Variants in KCNQ1OT1 observed in about 807,000 individuals in gnomAD.
KCNQ1OT1 encodes the protein KCNQ1 opposite strand/antisense transcript 1, also known as KCNQ1 antisense RNA 2 (non-protein coding).
At position 2,623,222 on chromosome 11, in the gene KCNQ1OT1, A is replaced by G. The variant is rs923792037; in HGVS notation, n.76773T>C. On this transcript the variant is annotated non_coding_transcript_exon_variant, in exon 1 of 1. Transcript: ENST00000597346. This position sits in a 1 kb window ranked among gnomAD's most constrained non-coding sequence, Gnocchi z 5.2. ...TTTAAGTTTCTGAGGCCTGCCAGCCATGCTTACTGTACAGCCTACAAAACT... is the reference window on the plus strand; with the variant it reads ...TTTAAGTTTCTGAGGCCTGCCAGCCGTGCTTACTGTACAGCCTACAAAACT... 2 of 398,626 alleles carry G rather than the reference A, an allele frequency of 5.0e-6. No individual in the cohort carries two copies. The highest frequency in any genetic ancestry group is 8.8e-6 in the Non-Finnish European group (2 of 226,180). 24.7% of individuals were successfully genotyped at this position (398,626 alleles called of 1,614,324 possible). A position where few individuals can be genotyped will look rare whatever the true frequency, so the allele number is the denominator to read the frequency against.
chr11:2,665,602 GAC>G (rs761672303), exon 1 of KCNQ1OT1: 63 of 396,384 alleles, frequency 1.6e-4, no homozygotes, highest in Middle Eastern at 6.2e-4. Context: ...AACCCCCCAG[GAC>G]ACACTTAGGC....
At chr11:2,641,439 T>A (rs1849575570) in exon 1 of KCNQ1OT1, 1 of 398,346 alleles carries the variant, frequency 2.5e-6, no homozygotes. Context: ...TGTTTTCTTT[T>A]GAGAAATATC....
At chr11:2,648,872 T>C (rs1221541111) in exon 1 of KCNQ1OT1, 2 of 398,368 alleles carry the variant, frequency 5.0e-6, no homozygotes, top group Admixed American at 8.8e-5. Context: ...TTGTTTAATA[T>C]ACCTGGGTAC....
rs1849590166 is a variant in KCNQ1OT1, at chr11:2,642,143, A to G, written n.57852T>C. 2.5e-6 allele frequency: 1 copy of G among 398,178 alleles called. No homozygotes were observed. The highest frequency in any genetic ancestry group is 4.4e-5 in the Admixed American group (1 of 22,706). The allele number at this position is 398,178 out of a possible 1,614,324, so 24.7% of individuals were successfully genotyped here. ...CCATCTGAATTTTAGGATTTTTTCTATTTCCATGAAAAATGGCATTGGTAT... is the reference window on the plus strand; with the variant it reads ...CCATCTGAATTTTAGGATTTTTTCTGTTTCCATGAAAAATGGCATTGGTAT... On this transcript the variant is annotated non_coding_transcript_exon_variant, in exon 1 of 1. Coordinates refer to ENST00000597346, the Ensembl canonical transcript of KCNQ1OT1. The surrounding 1 kb of genome is among the most constrained non-coding windows in gnomAD (Gnocchi z 4.3).
chr11:2,654,743 T>A lies in KCNQ1OT1; in HGVS notation n.45252A>T. ...CTGACCTAATCTGGGCAGGGAGGGG[T>A]CTGGGGCTCGATGAGAAGGCAGAGG... On this transcript the variant is annotated non_coding_transcript_exon_variant, in exon 1 of 1. Coordinates refer to ENST00000597346, the Ensembl canonical transcript of KCNQ1OT1. The surrounding 1 kb of genome is among the most constrained non-coding windows in gnomAD (Gnocchi z 6.4). 1 of 397,882 alleles carries A rather than the reference T, an allele frequency of 2.5e-6. No homozygotes were observed. Among genetic ancestry groups the A allele is most frequent in the Non-Finnish European group, 4.4e-6 (1 of 226,024 alleles). The allele number at this position is 397,882 out of a possible 1,614,324, so 24.6% of individuals were successfully genotyped here.
chr11:2,693,597 T>A, exon 1 of KCNQ1OT1: 1 of 398,600 alleles, frequency 2.5e-6, no homozygotes, highest in Non-Finnish European at 4.4e-6. Context: ...TGAGGCCACA[T>A]TTAAATTGCA....
Position 2,624,049 on chromosome 11 carries a change from T to G in KCNQ1OT1, n.75946A>C, listed in dbSNP as rs1019682559. 3 of 399,262 alleles carry G rather than the reference T, an allele frequency of 7.5e-6. No individual in the cohort carries two copies. The East Asian group carries it at 1.1e-4, about 14-fold the overall frequency. The allele number at this position is 399,262 out of a possible 1,614,324, so 24.7% of individuals were successfully genotyped here. On this transcript the variant is annotated non_coding_transcript_exon_variant, in exon 1 of 1. Transcript: ENST00000597346. This position sits in a 1 kb window ranked among gnomAD's most constrained non-coding sequence, Gnocchi z 4.9. ...ATTCCCACCAGCAATGGATGAGTGT[T>G]CCTGTTGCCCCACATATTGGCAAGT...
Position 2,623,561 on chromosome 11 carries a change from T to C in KCNQ1OT1, n.76434A>G, listed in dbSNP as rs923873686. The C allele has an allele frequency of 5.0e-6, 2 of 398,490 alleles. No homozygotes were observed. Among genetic ancestry groups the C allele is most frequent in the Admixed American group, 4.4e-5 (1 of 22,722 alleles). The allele number at this position is 398,490 out of a possible 1,614,324, so 24.7% of individuals were successfully genotyped here. A position where few individuals can be genotyped will look rare whatever the true frequency, so the allele number is the denominator to read the frequency against. On this transcript the variant is annotated non_coding_transcript_exon_variant, in exon 1 of 1. Coordinates refer to ENST00000597346, the Ensembl canonical transcript of KCNQ1OT1. The surrounding 1 kb of genome is among the most constrained non-coding windows in gnomAD (Gnocchi z 5.2). ...GATTGCCTTATTTCACATAGTAATA[T>C]GTTTTTTAATTACCTCCATATCTTT...
In KCNQ1OT1 at chr11:2,647,333, T is replaced by G. The variant is rs932368823; in HGVS notation, n.52662A>C. 5.0e-6 allele frequency: 2 copies of G among 398,480 alleles called. No homozygotes were observed. The highest frequency in any genetic ancestry group is 8.8e-6 in the Non-Finnish European group (2 of 226,062). The allele number at this position is 398,480 out of a possible 1,614,324, so 24.7% of individuals were successfully genotyped here. On this transcript the variant is annotated non_coding_transcript_exon_variant, in exon 1 of 1. Coordinates refer to ENST00000597346, the Ensembl canonical transcript of KCNQ1OT1. The surrounding 1 kb of genome is among the most constrained non-coding windows in gnomAD (Gnocchi z 4.0). ...AATCCCTGGGATAAATCCCACTTGATTATGGTGTATTATCTTTTTGATGTG... is the reference window on the plus strand; with the variant it reads ...AATCCCTGGGATAAATCCCACTTGAGTATGGTGTATTATCTTTTTGATGTG...
chr11:2,662,736 C>A, exon 1 of KCNQ1OT1: 1 of 400,328 alleles, frequency 2.5e-6, no homozygotes, highest in South Asian at 1.3e-4. Context: ...CCATTCTGGC[C>A]ACAGTCCCAT....
rs149162385 is a variant in KCNQ1OT1 at position 2,670,532 on chromosome 11, C to T, written n.29463G>A. ...AGCTCACAGAAGGGGAAATTGAAGCCTCAAGAAGGATAGGGACTTGCCAGT... is the reference window on the plus strand; with the variant it reads ...AGCTCACAGAAGGGGAAATTGAAGCTTCAAGAAGGATAGGGACTTGCCAGT... On this transcript the variant is annotated non_coding_transcript_exon_variant, in exon 1 of 1. Coordinates refer to ENST00000597346, the Ensembl canonical transcript of KCNQ1OT1. This position sits in a 1 kb window ranked among gnomAD's most constrained non-coding sequence, Gnocchi z 4.9. 92 of 397,736 alleles carry T rather than the reference C, an allele frequency of 2.3e-4. No individual in the cohort carries two copies. The highest frequency in any genetic ancestry group is 1.6e-3 in the African/African-American group (76 of 48,422). 24.6% of individuals were successfully genotyped at this position (397,736 alleles called of 1,614,324 possible).
chr11:2,664,479 C>T lies in KCNQ1OT1; in HGVS notation n.35516G>A. 7.5e-6 allele frequency: 3 copies of T among 398,784 alleles called. No individual in the cohort carries two copies. Among genetic ancestry groups the T allele is most frequent in the Non-Finnish European group, 4.4e-6 (1 of 226,168 alleles). 24.7% of individuals were successfully genotyped at this position (398,784 alleles called of 1,614,324 possible). ...AGGCTGGGTAGAGGCCCCACTCCAT[C>T]TGGGGGAGAAGGCTGGCAGCAGTGG... is the stretch of plus-strand genomic sequence containing the variant. On this transcript the variant is annotated non_coding_transcript_exon_variant, in exon 1 of 1. Transcript: ENST00000597346. The surrounding 1 kb of genome is among the most constrained non-coding windows in gnomAD (Gnocchi z 5.1).
chr11:2,632,398 A>G (rs1849375213), exon 1 of KCNQ1OT1: 1 of 398,270 alleles, frequency 2.5e-6, no homozygotes, highest in South Asian at 1.3e-4. Context: ...AGCCACTACT[A>G]TGTTTAATAT....
exon 1 of KCNQ1OT1, chr11:2,618,911 A>C: frequency 2.5e-6 from 1 of 398,254 alleles, no homozygotes; most frequent in Non-Finnish European, 4.4e-6. Flanking sequence ...GGCTAAATTT[A>C]TTCCTAAGCA....
Position 2,653,838 on chromosome 11 carries a change from G to T in KCNQ1OT1, n.46157C>A. The T allele has an allele frequency of 2.5e-6, 1 of 398,630 alleles. No individual in the cohort carries two copies. Among genetic ancestry groups the T allele is most frequent in the East Asian group, 3.6e-5 (1 of 28,072 alleles). The allele number at this position is 398,630 out of a possible 1,614,324, so 24.7% of individuals were successfully genotyped here. On this transcript the variant is annotated non_coding_transcript_exon_variant, in exon 1 of 1. Coordinates refer to ENST00000597346, the Ensembl canonical transcript of KCNQ1OT1. This position sits in a 1 kb window ranked among gnomAD's most constrained non-coding sequence, Gnocchi z 5.3. Reference sequence around the variant, plus strand: ...GGTCCACAGGGACCCCTTTGGGGATGGCCAGAGGGTACCTAAACACTGCAC... The same window carrying T: ...GGTCCACAGGGACCCCTTTGGGGATTGCCAGAGGGTACCTAAACACTGCAC...
rs186662297 is a variant in KCNQ1OT1 at position 2,616,608 on chromosome 11, T to A, written n.83387A>T. The A allele has an allele frequency of 1.5e-3, 596 of 398,198 alleles. 10 individuals are homozygous for A. The East Asian group carries it at 0.021, about 14-fold the overall frequency. The allele number at this position is 398,198 out of a possible 1,614,324, so 24.7% of individuals were successfully genotyped here. A position where few individuals can be genotyped will look rare whatever the true frequency, so the allele number is the denominator to read the frequency against. On this transcript the variant is annotated non_coding_transcript_exon_variant, in exon 1 of 1. Transcript: ENST00000597346. Reference sequence around the variant, plus strand: ...TGTCGTCATTTTCACTTTTTGAAAGTATTTTATAATTTCCCTTCTGATGTC... The same window carrying A: ...TGTCGTCATTTTCACTTTTTGAAAGAATTTTATAATTTCCCTTCTGATGTC...
chr11:2,697,580 T>C (rs1276178647), exon 1 of KCNQ1OT1: 7 of 398,496 alleles, frequency 1.8e-5, no homozygotes, highest in African/African-American at 6.2e-5. Context: ...AAATCACACA[T>C]AGGCGTTAAA....
At position 2,620,197 on chromosome 11, in the gene KCNQ1OT1, A is replaced by C. The variant is rs1429151815; in HGVS notation, n.79798T>G. 6.0e-6 allele frequency: 2 copies of C among 331,380 alleles called. No homozygotes were observed. The highest frequency in any genetic ancestry group is 5.8e-5 in the African/African-American group (2 of 34,702). 20.5% of individuals were successfully genotyped at this position (331,380 alleles called of 1,614,324 possible). ...TGCTGCAAAGGACGTAAGTTCATTC[A>C]TGTATATATATATATTTTTTTTTTT... On this transcript the variant is annotated non_coding_transcript_exon_variant, in exon 1 of 1. Transcript: ENST00000597346. The surrounding 1 kb of genome is among the most constrained non-coding windows in gnomAD (Gnocchi z 4.5).
In KCNQ1OT1 at chr11:2,690,098, C is replaced by T. The variant is rs893767199; in HGVS notation, n.9897G>A. 1.0e-5 allele frequency: 4 copies of T among 398,846 alleles called. 1 individual carries two copies. Among genetic ancestry groups the T allele is most frequent in the Non-Finnish European group, 1.8e-5 (4 of 226,316 alleles). The allele number at this position is 398,846 out of a possible 1,614,324, so 24.7% of individuals were successfully genotyped here. A position where few individuals can be genotyped will look rare whatever the true frequency, so the allele number is the denominator to read the frequency against. ...GCTGAAGGCACAGCAGGGACAATCGCTCTTCCGGGGTTAGAACTGGGGGAG... is the reference window on the plus strand; with the variant it reads ...GCTGAAGGCACAGCAGGGACAATCGTTCTTCCGGGGTTAGAACTGGGGGAG... On this transcript the variant is annotated non_coding_transcript_exon_variant, in exon 1 of 1. Transcript: ENST00000597346. This position sits in a 1 kb window ranked among gnomAD's most constrained non-coding sequence, Gnocchi z 5.1.
Sources: gnomAD v4.1 joint callset for allele counts on GRCh38, gnomAD v4.1.1 for gene constraint, Gnocchi (gnomAD v3.1) non-coding constraint, MANE v1.5 for transcripts, NCBI Gene and HGNC (gene_info 2026-07-23, HGNC 2026-07-21) for gene names.